The following UBE2K variants were observed in gnomAD, a reference collection of about 807,000 sequenced individuals.
UBE2K encodes the protein ubiquitin-conjugating enzyme E2 K.
A neutral mutation model predicts 30.0 loss-of-function variants in UBE2K; 6 were observed. The ratio of observed to expected loss-of-function variants is 0.20; its 90% CI spans 0.11 to 0.39. The LOEUF (loss-of-function observed/expected upper bound fraction) is 0.39, where lower values mean the gene tolerates loss of function less well. Among genes scored for constraint, UBE2K ranks in the 10% least tolerant of loss-of-function variants. The pLI is 1.00. For synonymous variants in UBE2K, 86 were observed against 83.7 expected, an observed-to-expected ratio of 1.03 and a Z score of -0.15; for missense variants, 61 against 241.6, an observed-to-expected ratio of 0.25 and a Z score of 4.96.
At chr4:39,703,599 A>G (rs999523082) in intron 1 of UBE2K, among the ~76,000 whole-genome samples, 21 of 152,200 alleles carry the variant, frequency 1.4e-4, no homozygotes, top group African/African-American at 5.1e-4. Flanking sequence ...CTGTAATCCC[A>G]GCACTTTGGG....
At chr4:39,731,012 G>A (rs886534473) in intron 1 of UBE2K, among the ~76,000 whole-genome samples, 6 of 151,842 alleles carry the variant, frequency 4.0e-5, no homozygotes, top group Non-Finnish European at 7.4e-5. Flanking sequence ...TCAAGACAGA[G>A]TCTTGCTTTG....
chr4:39,725,314 T>C (rs1342517640), intron 1 of UBE2K, among the ~76,000 whole-genome samples: 1 of 138,908 alleles, frequency 7.2e-6, no homozygotes, highest in East Asian at 2.2e-4. Context: ...CGGGAGGCAG[T>C]TTGCAGTGAG....
chr4:39,753,774 G>GT (rs1721390202), intron 3 of UBE2K, among the ~76,000 whole-genome samples: 1 of 152,328 alleles, frequency 6.6e-6, no homozygotes, highest in East Asian at 1.9e-4. Flanking sequence ...AGAGTGGAGT[G>GT]TGGGATAGAG....
rs1481284601 is a variant in UBE2K at position 39,770,300 on chromosome 4, G to A, written c.300-4534G>A. ...AGCACTTGCCGCAGATGCCGCACGA[G>A]TGTGACTTGACACCACGATGCACGT... On this transcript the variant is annotated intron_variant, in intron 4 of 6. Transcript: ENST00000261427. 1.5e-5 allele frequency: 24 copies of A among 1,612,316 alleles called. No homozygotes were observed. The East Asian group carries it at 5.4e-4, about 36-fold the overall frequency.
chr4:39,738,252 C>A (rs971858379), intron 2 of UBE2K, among the ~76,000 whole-genome samples: 9 of 151,964 alleles, frequency 5.9e-5, no homozygotes, highest in Admixed American at 2.0e-4. Context: ...TATATGGTAA[C>A]CCTAATTATA....
At chr4:39,700,149 T>C (rs1652655298) in intron 1 of UBE2K, among the ~76,000 whole-genome samples, 2 of 152,168 alleles carry the variant, frequency 1.3e-5, no homozygotes, top group African/African-American at 4.8e-5. Context: ...ACTGCTCTGG[T>C]AATTAATGTG....
intron 1 of UBE2K, among the ~76,000 whole-genome samples, chr4:39,706,807 G>A (rs1290358472): frequency 1.3e-5 from 2 of 151,530 alleles, no homozygotes; most frequent in Admixed American, 1.3e-4. Context: ...GCCCCAAAAG[G>A]CTTAATTGGT....
At chr4:39,701,182 T>C (rs968737049) in intron 1 of UBE2K, among the ~76,000 whole-genome samples, 22 of 152,170 alleles carry the variant, frequency 1.4e-4, no homozygotes, top group Admixed American at 5.9e-4. Flanking sequence ...TAGATGTTTG[T>C]TTTTAAATAT....
At chr4:39,731,554 C>T (rs1319058076) in intron 1 of UBE2K, among the ~76,000 whole-genome samples, 6 of 151,908 alleles carry the variant, frequency 3.9e-5, no homozygotes, top group South Asian at 4.1e-4. Context: ...TGGTGGCGGG[C>T]GCCTGTAATC....
intron 1 of UBE2K, among the ~76,000 whole-genome samples, chr4:39,725,392 A>C (rs1445529755): frequency 1.3e-5 from 2 of 148,808 alleles, no homozygotes; most frequent in Non-Finnish European, 3.0e-5. Flanking sequence ...AAAAAAAAAA[A>C]AAAAAAAAAA....
chr4:39,702,318 G>A (rs80263430), intron 1 of UBE2K, among the ~76,000 whole-genome samples: 15,028 of 133,760 alleles, frequency 0.11, 1,053 homozygotes, highest in East Asian at 0.23. Flanking sequence ...GCAATGGCGC[G>A]ATCTTGGCTC....
chr4:39,753,434 C>T (rs557793804), intron 3 of UBE2K, among the ~76,000 whole-genome samples: 3 of 152,220 alleles, frequency 2.0e-5, no homozygotes, highest in African/African-American at 7.2e-5. Context: ...GATATTTAGC[C>T]TTATAATAAC....
intron 1 of UBE2K, among the ~76,000 whole-genome samples, chr4:39,720,320 ATT>A (rs10716637): frequency 0.013 from 1,989 of 148,506 alleles, 46 homozygotes; most frequent in African/African-American, 0.041. Context: ...TGGGAAGGTA[ATT>A]TTTTTTTTTT....
Position 39,777,744 on chromosome 4 carries a change from A to G in UBE2K, c.462A>G (p.Gly154=). ...TARLWAHVYA[G]APVSSPEYTK... ...GACTTTGGGCACATGTGTATGCTGG[A>G]GCACCAGTTTCTAGTCCAGAATACA... Residue 154 remains glycine (G), a synonymous_variant, in exon 6 of 7, where the codon GGA becomes GGG. Coordinates refer to ENST00000261427, the MANE Select transcript of UBE2K (RefSeq NM_005339.5). 6.4e-7 allele frequency: 1 copy of G among 1,571,272 alleles called. No homozygotes were observed. Among genetic ancestry groups the G allele is most frequent in the Non-Finnish European group, 8.6e-7 (1 of 1,166,190 alleles).
intron 1 of UBE2K, among the ~76,000 whole-genome samples, chr4:39,722,253 A>T (rs1203760753): frequency 6.6e-6 from 1 of 152,172 alleles, no homozygotes; most frequent in East Asian, 1.9e-4. Flanking sequence ...TAATACTGAA[A>T]ATCCTGATGT....
intron 1 of UBE2K, among the ~76,000 whole-genome samples, chr4:39,698,836 T>G (rs1009202930): frequency 6.6e-6 from 1 of 152,106 alleles, no homozygotes; most frequent in Non-Finnish European, 1.5e-5. Context: ...GTATTCGGGG[T>G]TATTGCCTGT....
In UBE2K at chr4:39,781,684, A is replaced by G. The variant is rs1233031105; in HGVS notation, c.*3250A>G. On this transcript the variant is annotated 3_prime_UTR_variant, in exon 7 of 7. Coordinates refer to ENST00000261427, the MANE Select transcript of UBE2K (RefSeq NM_005339.5). ...GTAGGGAACAGCTGGAGCCAGGTATACCTTCTAGTATGTAGAGGGAAACAA... is the reference window on the plus strand; with the variant it reads ...GTAGGGAACAGCTGGAGCCAGGTATGCCTTCTAGTATGTAGAGGGAAACAA... The G allele has an allele frequency of 2.7e-6, 1 of 367,616 alleles. No individual in the cohort carries two copies. The highest frequency in any genetic ancestry group is 4.8e-6 in the Non-Finnish European group (1 of 206,286). The allele number at this position is 367,616 out of a possible 1,614,324, so 22.8% of individuals were successfully genotyped here. A position where few individuals can be genotyped will look rare whatever the true frequency, so the allele number is the denominator to read the frequency against.
intron 1 of UBE2K, chr4:39,710,177 C>CT (rs965313854): frequency 6.6e-6 from 1 of 151,906 alleles, no homozygotes; most frequent in African/African-American, 2.4e-5. Flanking sequence ...CTGCAAAACC[C>CT]TTTTTTTCTT....
At chr4:39,765,184 C>T (rs1255902727) in intron 4 of UBE2K, among the ~76,000 whole-genome samples, 2 of 152,134 alleles carry the variant, frequency 1.3e-5, no homozygotes, top group Non-Finnish European at 2.9e-5. Flanking sequence ...TGTGTCTGGC[C>T]TACTTAAAAC....
Sources: gnomAD v4.1 joint callset for allele counts (sites outside exome capture counted in the v4.1 genomes callset) on GRCh38, gnomAD v4.1.1 for gene constraint, MANE v1.5 for transcripts, NCBI Gene and HGNC (gene_info 2026-07-23, HGNC 2026-07-21) for gene names.